Variants in RAI14 observed in about 807,000 individuals in gnomAD.
RAI14 encodes the protein ankycorbin.
RAI14 carries 45 observed loss-of-function variants against 115.4 expected under a neutral mutation model. The observed-to-expected ratio is 0.39, with a 90% CI of 0.31 to 0.50. The LOEUF is 0.50. Among genes scored for constraint, RAI14 ranks in the 20% least tolerant of loss-of-function variants. The probability of loss-of-function intolerance (pLI) is 0.85; values close to 1 mark genes in which losing one functional copy is unlikely to be tolerated. For missense variants in RAI14, 939 were observed against 1,131.2 expected, an observed-to-expected ratio of 0.83 and a Z score of 2.44; for synonymous variants, 371 against 415.4, an observed-to-expected ratio of 0.89 and a Z score of 1.30.
At chr5:34,808,682 G>A in intron 7 of RAI14, 28 bp downstream of exon 7, 8 of 1,602,234 alleles carry the variant, frequency 5.0e-6, no homozygotes, top group Non-Finnish European at 6.0e-6. Flanking sequence ...ACTAGAGGCA[G>A]AGGTAGACAT....
intron 15 of RAI14, chr5:34,825,966 T>C (rs569663267): frequency 6.2e-6 from 1 of 160,600 alleles, no homozygotes; most frequent in East Asian, 1.8e-4. Context: ...GGACAAAATA[T>C]AGCTGTCTCC....
intron 3 of RAI14, among the ~76,000 whole-genome samples, chr5:34,767,104 A>G (rs150537186): frequency 0.023 from 3,519 of 152,288 alleles, 65 homozygotes; most frequent in Middle Eastern, 0.099. Context: ...AGTTTTGGGT[A>G]TGTCTTTATC....
intron 4 of RAI14, 33 bp from the exon 5 acceptor site, chr5:34,803,678 TA>T (rs762199628): frequency 7.1e-6 from 11 of 1,542,194 alleles, no homozygotes; most frequent in Non-Finnish European, 7.9e-6. Context: ...GTGGCCTTTT[TA>T]AAAAAAATTA....
chr5:34,736,315 G>T (rs1213553989), intron 2 of RAI14, among the ~76,000 whole-genome samples: 1 of 152,204 alleles, frequency 6.6e-6, no homozygotes, highest in African/African-American at 2.4e-5. Context: ...CAGGAGAATA[G>T]CTTGAACCCG....
intron 1 of RAI14, among the ~76,000 whole-genome samples, chr5:34,669,242 T>C (rs1314992910): frequency 6.6e-6 from 1 of 152,166 alleles, no homozygotes; most frequent in Non-Finnish European, 1.5e-5. Context: ...TCTTCTACAG[T>C]CTCTAAAAGC....
intron 2 of RAI14, among the ~76,000 whole-genome samples, chr5:34,736,719 C>T (rs746975505): frequency 7.9e-5 from 12 of 152,112 alleles, no homozygotes; most frequent in Non-Finnish European, 1.6e-4. Context: ...TGGGTTTGAA[C>T]AAATTGAGAT....
chr5:34,679,677 G>T (rs142013523), intron 1 of RAI14, among the ~76,000 whole-genome samples: 1 of 152,120 alleles, frequency 6.6e-6, no homozygotes, highest in Admixed American at 6.5e-5. Flanking sequence ...GCACGTGACT[G>T]GGGGGATGCT....
chr5:34,752,751 A>ATATATATATATG (rs1747271982), intron 2 of RAI14, among the ~76,000 whole-genome samples: 1 of 105,574 alleles, frequency 9.5e-6, no homozygotes, highest in African/African-American at 4.5e-5. Context: ...GTGTGTGTGT[A>ATATATATATATG]TATATATATA....
chr5:34,709,851 G>A (rs531824848), intron 2 of RAI14, among the ~76,000 whole-genome samples: 162 of 152,102 alleles, frequency 1.1e-3, no homozygotes, highest in African/African-American at 3.7e-3. Flanking sequence ...TTTGATCTCA[G>A]AGGCATAAGA....
chr5:34,807,917 C>G, intron 6 of RAI14, 60 bp downstream of exon 6: 4 of 1,353,266 alleles, frequency 3.0e-6, no homozygotes, highest in African/African-American at 1.4e-5. Flanking sequence ...TTTTCTTTTT[C>G]CTTATTCAGG....
intron 14 of RAI14, among the ~76,000 whole-genome samples, 169 bp downstream of exon 14, chr5:34,822,019 ACT>A (rs1217518626): frequency 6.6e-6 from 1 of 151,068 alleles, no homozygotes; most frequent in Admixed American, 6.6e-5. Context: ...TTATTCATTA[ACT>A]CTTTCTGTAA....
intron 2 of RAI14, among the ~76,000 whole-genome samples, chr5:34,752,749 G>GTCTA (rs371462831): frequency 9.3e-6 from 1 of 107,058 alleles, no homozygotes; most frequent in East Asian, 2.9e-4. Flanking sequence ...GTGTGTGTGT[G>GTCTA]TATATATATA....
At chr5:34,811,582 TAA>T (rs35087500) in intron 8 of RAI14, among the ~76,000 whole-genome samples, 183 bp from the exon 9 acceptor site, 28 of 145,936 alleles carry the variant, frequency 1.9e-4, no homozygotes, top group African/African-American at 3.0e-4. Flanking sequence ...ATCTGAAGTT[TAA>T]AAAAAAAAAA....
In RAI14 at chr5:34,715,192, T is replaced by A. The variant is rs1741845393; in HGVS notation, c.36+28237T>A. Reference sequence around the variant, plus strand: ...GCTTCATTCACCAAGGTGGGGAATATTCATGAAAATTCCTGGAAGGTGGTG... The same window carrying A: ...GCTTCATTCACCAAGGTGGGGAATAATCATGAAAATTCCTGGAAGGTGGTG... On this transcript the variant is annotated intron_variant, in intron 2 of 17. Transcript: ENST00000265109. Among the ~76,000 whole-genome samples the A allele has an allele frequency of 2.0e-5, 3 of 152,300 alleles. No homozygotes were observed. The South Asian group carries it at 6.2e-4, about 32-fold the overall frequency.
At chr5:34,828,461 T>C (rs1319828516) in intron 16 of RAI14, among the ~76,000 whole-genome samples, 1 of 150,922 alleles carries the variant, frequency 6.6e-6, no homozygotes, top group Non-Finnish European at 1.5e-5. Flanking sequence ...TGAGTAGAGG[T>C]TGCTGAAAGG....
At chr5:34,685,907 A>G (rs1490816821) in intron 1 of RAI14, 1 of 152,178 alleles carries the variant, frequency 6.6e-6, no homozygotes, top group East Asian at 1.9e-4. Flanking sequence ...ATTCAGCTCA[A>G]CTCAGAATTG....
At chr5:34,686,053 G>A (rs1326856327) in intron 1 of RAI14, among the ~76,000 whole-genome samples, 7 of 152,078 alleles carry the variant, frequency 4.6e-5, no homozygotes, top group Admixed American at 4.6e-4. Flanking sequence ...AGGGGAGACG[G>A]GAACAAACAC....
chr5:34,687,541 G>A (rs569322630), intron 2 of RAI14: 12 of 1,412,982 alleles, frequency 8.5e-6, no homozygotes, highest in Non-Finnish European at 9.2e-6. Flanking sequence ...ATGAAATAAA[G>A]TCTCCCCCAG....
chr5:34,718,875 T>G (rs79540527), intron 2 of RAI14, among the ~76,000 whole-genome samples: 5,500 of 152,252 alleles, frequency 0.036, 331 homozygotes, highest in African/African-American at 0.13. Flanking sequence ...TTAAAATTTT[T>G]TCCCCACTTC....
Sources: allele counts gnomAD v4.1 joint callset (sites outside exome capture counted in the v4.1 genomes callset), GRCh38; gene constraint gnomAD v4.1.1; transcripts MANE v1.5; gene names NCBI Gene and HGNC (gene_info 2026-07-23, HGNC 2026-07-21).